AGAP1: variants seen among roughly 807,000 people sequenced by gnomAD.
The protein encoded by AGAP1 is arf-GAP with GTPase, ANK repeat and PH domain-containing protein 1.
In AGAP1, 29 loss-of-function variants were observed where a neutral mutation model predicts 105.3. That is an observed-to-expected ratio of 0.28 (90% CI 0.21 to 0.38). The LOEUF is 0.38. AGAP1 is among the 10% of genes least tolerant of loss of function. The probability of loss-of-function intolerance (pLI) is 1.00; values close to 1 mark genes in which losing one functional copy is unlikely to be tolerated. For missense variants in AGAP1, 998 were observed against 1,165.1 expected, an observed-to-expected ratio of 0.86 and a Z score of 2.09; for synonymous variants, 509 against 485.9, an observed-to-expected ratio of 1.05 and a Z score of -0.63.
At position 235,930,225 on chromosome 2, in the gene AGAP1, T is replaced by C. The variant is rs577788954; in HGVS notation, c.1325-540T>C. ...CTTTTCAAGGTTAAGAGTAAACTTA[T>C]CTGGTTGAAGAGCCTGCATTTCCTC... On this transcript the variant is annotated intron_variant, in intron 11 of 17. Coordinates refer to ENST00000304032, the MANE Select transcript of AGAP1 (RefSeq NM_001037131.3). The surrounding 1 kb of genome is among the most constrained non-coding windows in gnomAD (Gnocchi z 7.9). Among the ~76,000 whole-genome samples, 14 of 152,336 alleles carry C rather than the reference T, an allele frequency of 9.2e-5. No individual in the cohort carries two copies. The East Asian group carries it at 1.7e-3, about 19-fold the overall frequency.
At position 235,723,617 on chromosome 2, in the gene AGAP1, C is replaced by T. The variant is rs899043243; in HGVS notation, c.310+5973C>T. 6.6e-6 allele frequency among the ~76,000 whole-genome samples: 1 copy of T among 152,208 alleles called. No individual in the cohort carries two copies. Among genetic ancestry groups the T allele is most frequent in the African/African-American group, 2.4e-5 (1 of 41,454 alleles). ...GGCCCTCCCGAGCTGTGCAGGTTAG[C>T]TTGTGTGCCAGAAGGACCTGAGGAC... is the stretch of plus-strand genomic sequence containing the variant. On this transcript the variant is annotated intron_variant, in intron 3 of 17. Transcript: ENST00000304032. The surrounding 1 kb of genome is among the most constrained non-coding windows in gnomAD (Gnocchi z 6.2).
At chr2:235,699,330 T>G (rs988630226) in intron 1 of AGAP1, among the ~76,000 whole-genome samples, 3 of 152,112 alleles carry the variant, frequency 2.0e-5, no homozygotes, top group African/African-American at 7.2e-5. Context: ...CCTGATGTAT[T>G]TGTAAGAAGA....
intron 1 of AGAP1, among the ~76,000 whole-genome samples, chr2:235,646,280 A>AAG (rs1947382509): frequency 6.6e-6 from 1 of 151,820 alleles, no homozygotes; most frequent in African/African-American, 2.4e-5. Context: ...CAAAAAAAAA[A>AAG]AAAAAAAGGT....
At chr2:235,513,570 AC>A (rs987940465) in intron 1 of AGAP1, among the ~76,000 whole-genome samples, 2 of 142,324 alleles carry the variant, frequency 1.4e-5, no homozygotes, top group African/African-American at 5.2e-5. Flanking sequence ...ACTGGGCTCC[AC>A]CCCCAGAAGT....
At chr2:235,831,778 T>G (rs1959441720) in intron 9 of AGAP1, among the ~76,000 whole-genome samples, 1 of 152,220 alleles carries the variant, frequency 6.6e-6, no homozygotes, top group Non-Finnish European at 1.5e-5. Flanking sequence ...CACATTTGGG[T>G]GCAGGTTTTT....
intron 1 of AGAP1, among the ~76,000 whole-genome samples, chr2:235,628,640 G>A (rs1281306540): frequency 2.0e-5 from 3 of 151,602 alleles, no homozygotes; most frequent in Non-Finnish European, 4.4e-5. Context: ...TTTTTCCATA[G>A]GTTATTGGGG....
chr2:236,104,079 A>G lies in AGAP1; in HGVS notation c.2115-16113A>G, dbSNP rs1389552409. Among the ~76,000 whole-genome samples the G allele has an allele frequency of 1.5e-4, 23 of 152,204 alleles. No homozygotes were observed. The highest frequency in any genetic ancestry group is 3.2e-4 in the Non-Finnish European group (22 of 68,036). On this transcript the variant is annotated intron_variant, in intron 16 of 17. Transcript: ENST00000304032. This position sits in a 1 kb window ranked among gnomAD's most constrained non-coding sequence, Gnocchi z 4.7. ...CAGGCCTGCAGCAATGTGAAACCTT[A>G]GGTACTTCCCACTTGCATTTAGGTG...
At chr2:235,529,378 G>C (rs1942966895) in intron 1 of AGAP1, among the ~76,000 whole-genome samples, 1 of 152,242 alleles carries the variant, frequency 6.6e-6, no homozygotes, top group Non-Finnish European at 1.5e-5. Context: ...AATCCATGCT[G>C]TCATTGCCAT....
chr2:235,972,831 A>G (rs1229914218), intron 13 of AGAP1, among the ~76,000 whole-genome samples: 2 of 152,188 alleles, frequency 1.3e-5, no homozygotes, highest in African/African-American at 2.4e-5. Context: ...CCACAAACAC[A>G]GGAAACGAAG....
In AGAP1 at chr2:236,127,360, T is replaced by A. The variant is rs1261057944; in HGVS notation, c.*3238T>A. On this transcript the variant is annotated 3_prime_UTR_variant, in exon 18 of 18. Coordinates refer to ENST00000304032, the MANE Select transcript of AGAP1 (RefSeq NM_001037131.3). The surrounding 1 kb of genome is among the most constrained non-coding windows in gnomAD (Gnocchi z 6.6). ...AGCTCGAGGGTGAGCAAGTGACAAG[T>A]TCCTGAGTCACTGGCCCCAAAACCA... The A allele has an allele frequency of 1.3e-5, 2 of 152,212 alleles. No individual in the cohort carries two copies. The highest frequency in any genetic ancestry group is 4.8e-5 in the African/African-American group (2 of 41,438). The allele number at this position is 152,212 out of a possible 1,614,324, so 9.4% of individuals were successfully genotyped here.
rs540300777 is a variant in AGAP1, at chr2:236,082,193, G to A, written c.2114+32912G>A. ...AACAAACCTATCATTTTTCACCACG[G>A]GATATTTACAGCTTCAATCAGTGCC... On this transcript the variant is annotated intron_variant, in intron 16 of 17. Coordinates refer to ENST00000304032, the MANE Select transcript of AGAP1 (RefSeq NM_001037131.3). The surrounding 1 kb of genome is among the most constrained non-coding windows in gnomAD (Gnocchi z 4.2). 6.6e-6 allele frequency among the ~76,000 whole-genome samples: 1 copy of A among 152,214 alleles called. No homozygotes were observed. The highest frequency in any genetic ancestry group is 1.5e-5 in the Non-Finnish European group (1 of 68,022).
At position 235,957,054 on chromosome 2, in the gene AGAP1, A is replaced by T. The variant is rs150402636; in HGVS notation, c.1484-11408A>T. On this transcript the variant is annotated intron_variant, in intron 12 of 17. Transcript: ENST00000304032. The surrounding 1 kb of genome is among the most constrained non-coding windows in gnomAD (Gnocchi z 4.6). ...ACACTTCTCCCATTTAACAGGTGCA[A>T]TGCAGTAGTTTTTAGTATCTCACAG... Among the ~76,000 whole-genome samples the T allele has an allele frequency of 4.8e-3, 730 of 152,328 alleles. 11 individuals carry two copies. The highest frequency in any genetic ancestry group is 0.016 in the African/African-American group (676 of 41,578).
At position 235,977,907 on chromosome 2, in the gene AGAP1, A is replaced by G. The variant is rs1439445428; in HGVS notation, c.1645+9284A>G. Among the ~76,000 whole-genome samples the G allele has an allele frequency of 1.3e-5, 2 of 152,184 alleles. No homozygotes were observed. Among genetic ancestry groups the G allele is most frequent in the African/African-American group, 4.8e-5 (2 of 41,462 alleles). ...GGGCTTAACCAGCAGAAACTCATTT[A>G]TCATGGTTCTGAAGGCTGCAAAGTC... On this transcript the variant is annotated intron_variant, in intron 13 of 17. Transcript: ENST00000304032. The surrounding 1 kb of genome is among the most constrained non-coding windows in gnomAD (Gnocchi z 5.2).
chr2:235,513,181 G>A (rs965235553), intron 1 of AGAP1, among the ~76,000 whole-genome samples: 9 of 152,136 alleles, frequency 5.9e-5, no homozygotes, highest in Non-Finnish European at 1.0e-4. Context: ...TTTAGCCTGC[G>A]TCAGGATCAC....
intron 6 of AGAP1, among the ~76,000 whole-genome samples, chr2:235,767,824 G>A (rs1182117545): frequency 5.0e-5 from 6 of 119,914 alleles, no homozygotes; most frequent in Admixed American, 1.2e-4. Flanking sequence ...TCGCTCTGTC[G>A]CCCGGGCTGG....
At chr2:235,803,208 G>T in intron 8 of AGAP1, among the ~76,000 whole-genome samples, 1 of 151,268 alleles carries the variant, frequency 6.6e-6, no homozygotes, top group Non-Finnish European at 1.5e-5. Context: ...GGTAGTGGTG[G>T]TGGTGGTGAT....
intron 6 of AGAP1, among the ~76,000 whole-genome samples, chr2:235,764,743 C>T (rs1173280575): frequency 9.8e-5 from 8 of 81,796 alleles, no homozygotes; most frequent in East Asian, 4.7e-4. Context: ...TCTGGGAGCG[C>T]CCGTGGGGTG....
chr2:235,537,378 G>T (rs1237246805), intron 1 of AGAP1, among the ~76,000 whole-genome samples: 1 of 152,174 alleles, frequency 6.6e-6, no homozygotes, highest in East Asian at 1.9e-4. Context: ...GAGGGAGAGG[G>T]CTGGCGTCAG....
chr2:235,844,605 A>T (rs1961255756), intron 9 of AGAP1, among the ~76,000 whole-genome samples: 2 of 152,112 alleles, frequency 1.3e-5, no homozygotes, highest in Admixed American at 1.3e-4. Context: ...AAGCTCCTGC[A>T]GCTTGGCACG....
Sources: allele counts gnomAD v4.1 joint callset (sites outside exome capture counted in the v4.1 genomes callset), GRCh38; gene constraint gnomAD v4.1.1; non-coding constraint Gnocchi (gnomAD v3.1); transcripts MANE v1.5; gene names NCBI Gene and HGNC (gene_info 2026-07-23, HGNC 2026-07-21).